The following PTPRM variants were observed in gnomAD, a reference collection of about 807,000 sequenced individuals.
The protein encoded by PTPRM is receptor-type tyrosine-protein phosphatase mu.
Under a neutral mutation model 186.7 loss-of-function variants are expected in PTPRM, and 47 were observed. The ratio of observed to expected loss-of-function variants is 0.25; its 90% CI spans 0.20 to 0.32. PTPRM has a LOEUF of 0.32. PTPRM is among the 10% of genes least tolerant of loss of function. PTPRM has a pLI of 1.00. For synonymous variants in PTPRM, 668 were observed against 674.9 expected (o/e 0.99, Z 0.16); for missense variants, 1,494 against 1,865.0 (o/e 0.80, Z 3.66).
intron 1 of PTPRM, among the ~76,000 whole-genome samples, chr18:7,639,130 A>C (rs371837357): frequency 6.6e-6 from 1 of 151,404 alleles, no homozygotes; most frequent in South Asian, 2.1e-4. Context: ...GCTGGAGTGC[A>C]GTGGGGCGAT....
chr18:7,900,272 A>G (rs972312466), intron 3 of PTPRM, among the ~76,000 whole-genome samples: 6 of 152,264 alleles, frequency 3.9e-5, no homozygotes, highest in African/African-American at 1.2e-4. Flanking sequence ...TTATTCATGG[A>G]CATTGAAATC....
In PTPRM at chr18:7,601,344, C is replaced by T. The variant is rs543410024; in HGVS notation, c.73+33453C>T. On this transcript the variant is annotated intron_variant, in intron 1 of 32. Coordinates refer to ENST00000580170, the MANE Select transcript of PTPRM (RefSeq NM_001105244.2). Reference sequence around the variant, plus strand: ...TGCTGTATGAGTCACTACTCTCCCCCGGTGCATTAGTTTCCTGGGGCTGCT... The same window carrying T: ...TGCTGTATGAGTCACTACTCTCCCCTGGTGCATTAGTTTCCTGGGGCTGCT... Among the ~76,000 whole-genome samples, 22 of 152,324 alleles carry T rather than the reference C, an allele frequency of 1.4e-4. No homozygotes were observed. In the South Asian group the frequency reaches 3.7e-3, roughly 26 times the overall value.
At chr18:8,150,482 C>G (rs959287103) in intron 14 of PTPRM, among the ~76,000 whole-genome samples, 30 of 152,044 alleles carry the variant, frequency 2.0e-4, no homozygotes, top group African/African-American at 7.2e-4. Flanking sequence ...TCGTGCTGTG[C>G]TTTTCAGCTC....
At chr18:8,325,151 G>C (rs947213513) in intron 22 of PTPRM, among the ~76,000 whole-genome samples, 2 of 152,152 alleles carry the variant, frequency 1.3e-5, no homozygotes, top group African/African-American at 4.8e-5. Context: ...CTACCTTGTA[G>C]GGAGCTATTT....
intron 19 of PTPRM, among the ~76,000 whole-genome samples, chr18:8,277,589 A>G (rs1404934912): frequency 6.6e-6 from 1 of 152,268 alleles, no homozygotes; most frequent in Non-Finnish European, 1.5e-5. Context: ...TGGTTGATAT[A>G]TAGAAATAGA....
At position 8,245,472 on chromosome 18, in the gene PTPRM, G is replaced by A. The variant is rs140511334; in HGVS notation, c.2452+1263G>A. ...CAGTGCAGGAAATAGAAGCTATGGGGTCTCAGTGTACCCAAGCTCCTTCCC... is the reference window on the plus strand; with the variant it reads ...CAGTGCAGGAAATAGAAGCTATGGGATCTCAGTGTACCCAAGCTCCTTCCC... On this transcript the variant is annotated intron_variant, in intron 15 of 32. Coordinates refer to ENST00000580170, the MANE Select transcript of PTPRM (RefSeq NM_001105244.2). Among the ~76,000 whole-genome samples, 230 of 152,214 alleles carry A rather than the reference G, an allele frequency of 1.5e-3. 2 individuals are homozygous for A. The highest frequency in any genetic ancestry group is 5.4e-3 in the African/African-American group (225 of 41,524).
chr18:7,915,714 A>G (rs568630295), intron 4 of PTPRM, among the ~76,000 whole-genome samples: 1 of 152,210 alleles, frequency 6.6e-6, no homozygotes, highest in Non-Finnish European at 1.5e-5. Context: ...GAATTTTTGC[A>G]TATATTCGGA....
chr18:7,938,557 A>C (rs192231418), intron 5 of PTPRM, among the ~76,000 whole-genome samples: 66 of 152,310 alleles, frequency 4.3e-4, no homozygotes, highest in Non-Finnish European at 9.1e-4. Context: ...AAGTTAACCC[A>C]GTTAACAGTT....
chr18:8,070,749 G>C (rs1011111890), intron 8 of PTPRM, among the ~76,000 whole-genome samples: 1 of 152,160 alleles, frequency 6.6e-6, no homozygotes, highest in Non-Finnish European at 1.5e-5. Flanking sequence ...TACAATGGTA[G>C]TATATCATAA....
chr18:8,399,119 C>A (rs2095859119), intron 32 of PTPRM, among the ~76,000 whole-genome samples: 1 of 152,144 alleles, frequency 6.6e-6, no homozygotes, highest in Non-Finnish European at 1.5e-5. Context: ...AACGAGTGCT[C>A]CAAGGAGCTG....
chr18:8,343,385 C>A (rs372380991), intron 22 of PTPRM, 38 bp from the exon 23 acceptor site: 3 of 1,592,282 alleles, frequency 1.9e-6, no homozygotes, highest in Admixed American at 1.7e-5. Context: ...TTGAAACTTA[C>A]AACAAAAACA....
rs749996745 is a variant in PTPRM at position 7,719,987 on chromosome 18, G to A, written c.74-54162G>A. Among the ~76,000 whole-genome samples, 7 of 152,188 alleles carry A rather than the reference G, an allele frequency of 4.6e-5. No homozygotes were observed. In the South Asian group the frequency reaches 8.3e-4, roughly 18 times the overall value. ...ACTGAGGTAGGAGGATCTCTTGATC[G>A]CAAGAGTTTGAGTCTACCTGGGTGA... On this transcript the variant is annotated intron_variant, in intron 1 of 32. Coordinates refer to ENST00000580170, the MANE Select transcript of PTPRM (RefSeq NM_001105244.2).
At chr18:7,657,115 C>T (rs996401180) in intron 1 of PTPRM, among the ~76,000 whole-genome samples, 4 of 152,280 alleles carry the variant, frequency 2.6e-5, no homozygotes, top group Admixed American at 2.0e-4. Context: ...TGTCCCTGTC[C>T]CTTGACTCTT....
chr18:7,654,644 G>T (rs1292300972), intron 1 of PTPRM, among the ~76,000 whole-genome samples: 2 of 152,146 alleles, frequency 1.3e-5, no homozygotes, highest in Non-Finnish European at 2.9e-5. Context: ...TAGAGAAGGG[G>T]TCAAGTTTCA....
chr18:8,276,286 A>T (rs2147684606), intron 19 of PTPRM, among the ~76,000 whole-genome samples: 1 of 152,208 alleles, frequency 6.6e-6, no homozygotes, highest in Non-Finnish European at 1.5e-5. Flanking sequence ...TGAGTGTTAC[A>T]ACTGGACTGC....
intron 19 of PTPRM, among the ~76,000 whole-genome samples, chr18:8,260,833 C>T (rs7504267): frequency 0.29 from 43,949 of 152,120 alleles, 6,608 homozygotes; most frequent in Admixed American, 0.38. Flanking sequence ...AGCAGCAGGG[C>T]GCGGGAGGAA....
chr18:7,865,512 G>A (rs2047637403), intron 2 of PTPRM, among the ~76,000 whole-genome samples: 1 of 152,154 alleles, frequency 6.6e-6, no homozygotes, highest in African/African-American at 2.4e-5. Context: ...TGTTGAACCA[G>A]CCTTGCATCC....
At chr18:8,001,557 A>G (rs1281521185) in intron 7 of PTPRM, among the ~76,000 whole-genome samples, 1 of 151,798 alleles carries the variant, frequency 6.6e-6, no homozygotes, top group Non-Finnish European at 1.5e-5. Context: ...TTGCCCCTCC[A>G]CCAGCCTAGA....
intron 1 of PTPRM, among the ~76,000 whole-genome samples, chr18:7,761,817 CAG>C (rs754709458): frequency 6.6e-6 from 1 of 152,066 alleles, no homozygotes. Flanking sequence ...GTGATGGTGA[CAG>C]GGAAGGAGGG....
Sources: gnomAD v4.1 joint callset for allele counts (sites outside exome capture counted in the v4.1 genomes callset) on GRCh38, gnomAD v4.1.1 for gene constraint, MANE v1.5 for transcripts, NCBI Gene and HGNC (gene_info 2026-07-23, HGNC 2026-07-21) for gene names.